Variants in BICC1 observed in about 807,000 individuals in gnomAD.
BICC1 encodes the protein BicC family RNA binding protein 1.
In BICC1, 43 loss-of-function variants were observed where a neutral mutation model predicts 111.0. The ratio of observed to expected loss-of-function variants is 0.39; its 90% confidence interval spans 0.30 to 0.50. The LOEUF is 0.50. Among genes scored for constraint, BICC1 ranks in the 20% least tolerant of loss-of-function variants. The probability of loss-of-function intolerance (pLI) is 0.88; values close to 1 mark genes in which losing one functional copy is unlikely to be tolerated. For missense variants in BICC1, 1,091 were observed against 1,203.2 expected (o/e 0.91, Z 1.38); for synonymous variants, 467 against 434.4 (o/e 1.07, Z -0.93).
intron 1 of BICC1, among the ~76,000 whole-genome samples, chr10:58,566,397 C>A (rs1464163446): frequency 2.6e-5 from 4 of 152,030 alleles, no homozygotes; most frequent in Non-Finnish European, 4.4e-5. Flanking sequence ...TTTATCCAGT[C>A]ATTGATTGAT....
At chr10:58,624,381 G>T (rs145081929) in intron 2 of BICC1, among the ~76,000 whole-genome samples, 1 of 152,202 alleles carries the variant, frequency 6.6e-6, no homozygotes, top group East Asian at 1.9e-4. Flanking sequence ...ACCTTTTAAT[G>T]GAGAAAATAA....
chr10:58,640,051 A>C (rs1838078288), intron 2 of BICC1, among the ~76,000 whole-genome samples: 1 of 152,142 alleles, frequency 6.6e-6, no homozygotes, highest in African/African-American at 2.4e-5. Context: ...TTGTTAACCA[A>C]ATTTTGGACA....
intron 2 of BICC1, among the ~76,000 whole-genome samples, chr10:58,653,187 G>A (rs566606439): frequency 4.6e-5 from 7 of 152,276 alleles, no homozygotes; most frequent in African/African-American, 1.7e-4. Context: ...GATGGTTTAT[G>A]CTGCTGATGG....
At chr10:58,767,242 A>G (rs1026346169) in intron 3 of BICC1, among the ~76,000 whole-genome samples, 1 of 152,164 alleles carries the variant, frequency 6.6e-6, no homozygotes. Context: ...TAAACTGAGC[A>G]TTTCAGGGCA....
In BICC1 at chr10:58,584,491, G is replaced by A. The variant is rs188619771; in HGVS notation, c.191-36364G>A. Reference sequence around the variant, plus strand: ...GCTCTGTGAATGTATATTGTGATGTGCTTAGGTCTGGGCCTTTGCTATAAT... The same window carrying A: ...GCTCTGTGAATGTATATTGTGATGTACTTAGGTCTGGGCCTTTGCTATAAT... On this transcript the variant is annotated intron_variant, in intron 1 of 20. Coordinates refer to ENST00000373886, the MANE Select transcript of BICC1 (RefSeq NM_001080512.3). Among the ~76,000 whole-genome samples, 342 of 152,288 alleles carry A rather than the reference G, an allele frequency of 2.2e-3. 3 individuals are homozygous for A. Among genetic ancestry groups the A allele is most frequent in the African/African-American group, 7.5e-3 (311 of 41,554 alleles).
At chr10:58,816,919 C>T (rs1040536562) in intron 18 of BICC1, among the ~76,000 whole-genome samples, 1 of 152,052 alleles carries the variant, frequency 6.6e-6, no homozygotes, top group African/African-American at 2.4e-5. Context: ...AAAAGTTCAG[C>T]ATTGCTGTCT....
At chr10:58,581,911 C>A (rs1844292812) in intron 1 of BICC1, among the ~76,000 whole-genome samples, 1 of 152,086 alleles carries the variant, frequency 6.6e-6, no homozygotes, top group Admixed American at 6.6e-5. Flanking sequence ...TATCTCTCCT[C>A]CCCCATGTTA....
intron 2 of BICC1, among the ~76,000 whole-genome samples, chr10:58,692,997 G>T (rs1384993629): frequency 6.6e-6 from 1 of 152,016 alleles, no homozygotes; most frequent in Non-Finnish European, 1.5e-5. Flanking sequence ...ATCTCCTAAT[G>T]CTATCCCTCC....
rs1408927222 is a variant in BICC1 at position 58,830,388 on chromosome 10, G to A, written c.*1497G>A. The A allele has an allele frequency of 6.6e-6, 1 of 152,076 alleles. No individual in the cohort carries two copies. The highest frequency in any genetic ancestry group is 2.4e-5 in the African/African-American group (1 of 41,418). The allele number at this position is 152,076 out of a possible 1,614,324, so 9.4% of individuals were successfully genotyped here. On this transcript the variant is annotated 3_prime_UTR_variant, in exon 21 of 21. Transcript: ENST00000373886. ...CATAGGAAATGTTGTCAAGTTACCT[G>A]TACTGTAAAGAGTTATTTATGTTCA... is the stretch of plus-strand genomic sequence containing the variant.
chr10:58,646,398 T>C (rs1373493381), intron 2 of BICC1, among the ~76,000 whole-genome samples: 1 of 152,212 alleles, frequency 6.6e-6, no homozygotes, highest in African/African-American at 2.4e-5. Context: ...TTGTTTGGGC[T>C]AAAAGTCTCC....
chr10:58,812,074 A>C (rs1184122770), intron 17 of BICC1, among the ~76,000 whole-genome samples: 3 of 152,200 alleles, frequency 2.0e-5, no homozygotes, highest in African/African-American at 7.2e-5. Flanking sequence ...TTTGCATTTT[A>C]AGAAATCAGT....
At chr10:58,797,094 C>T (rs2393505) in intron 10 of BICC1, among the ~76,000 whole-genome samples, 106,633 of 151,632 alleles carry the variant, frequency 0.7, 37,924 homozygotes, top group African/African-American at 0.81. Flanking sequence ...CTCAGAGCTT[C>T]AGTCGAGAAA....
At chr10:58,792,144 A>G (rs940883283) in intron 8 of BICC1, among the ~76,000 whole-genome samples, 1 of 152,092 alleles carries the variant, frequency 6.6e-6, no homozygotes, top group Non-Finnish European at 1.5e-5. Flanking sequence ...CCTGATATCC[A>G]TTTACAAATT....
At position 58,786,926 on chromosome 10, in the gene BICC1, A is replaced by G; in HGVS notation, c.391A>G (p.Asn131Asp). 1.3e-6 allele frequency: 2 copies of G among 1,579,576 alleles called. No homozygotes were observed. The highest frequency in any genetic ancestry group is 1.2e-5 in the South Asian group (1 of 84,416). The stretch of plus-strand genomic sequence containing the variant: ...ATAATACATTATTTTCACATAGAGC[A>G]ATCGAGTCACACTGAAGATGGATGT... Reference protein sequence around the residue: ...MIMSVLDTKSNRVTLKMDVSH... With the variant: ...MIMSVLDTKSDRVTLKMDVSH... Residue 131 changes from asparagine (N) to aspartate (D), a missense_variant, in exon 5 of 21, where the codon AAT becomes GAT. Asn to Asp is a conservative substitution (Grantham distance 23, BLOSUM62 1). This residue lies in a region of BICC1 where 843 missense variants were observed against 900.8 expected (regional missense o/e 0.94). Coordinates refer to ENST00000373886, the MANE Select transcript of BICC1 (RefSeq NM_001080512.3).
At chr10:58,601,811 A>G (rs1297096444) in intron 1 of BICC1, among the ~76,000 whole-genome samples, 2 of 152,144 alleles carry the variant, frequency 1.3e-5, no homozygotes, top group Admixed American at 6.5e-5. Flanking sequence ...CTGGGAAAAT[A>G]CACCATTTAA....
chr10:58,762,085 T>G (rs1021967925), intron 3 of BICC1, among the ~76,000 whole-genome samples: 8 of 152,104 alleles, frequency 5.3e-5, no homozygotes, highest in Non-Finnish European at 1.0e-4. Flanking sequence ...TCCACTCATC[T>G]TTGTTGCTAA....
At chr10:58,612,214 A>G (rs1845448523) in intron 1 of BICC1, among the ~76,000 whole-genome samples, 1 of 152,216 alleles carries the variant, frequency 6.6e-6, no homozygotes, top group Admixed American at 6.5e-5. Flanking sequence ...AATGAACCTA[A>G]TGACTACTCT....
chr10:58,624,248 A>G (rs1156236780), intron 2 of BICC1, among the ~76,000 whole-genome samples: 2 of 151,928 alleles, frequency 1.3e-5, no homozygotes, highest in African/African-American at 2.4e-5. Context: ...AGCCCACCCT[A>G]CTCTGGTGTG....
rs1441995931 is a variant in BICC1 at position 58,613,287 on chromosome 10, C to T, written c.191-7568C>T. Among the ~76,000 whole-genome samples, 5 of 151,994 alleles carry T rather than the reference C, an allele frequency of 3.3e-5. No homozygotes were observed. The East Asian group carries it at 5.8e-4, about 18-fold the overall frequency. On this transcript the variant is annotated intron_variant, in intron 1 of 20. Coordinates refer to ENST00000373886, the MANE Select transcript of BICC1 (RefSeq NM_001080512.3). ...AATAAACTTTGGAACATCAGGCAGACGTTATATTGTAAAGACAGTTTAAGG... is the reference window on the plus strand; with the variant it reads ...AATAAACTTTGGAACATCAGGCAGATGTTATATTGTAAAGACAGTTTAAGG...
Sources: allele counts gnomAD v4.1 joint callset (sites outside exome capture counted in the v4.1 genomes callset), GRCh38; gene constraint gnomAD v4.1.1; regional missense constraint gnomAD v4.1.1; transcripts MANE v1.5; gene names NCBI Gene and HGNC (gene_info 2026-07-23, HGNC 2026-07-21).